PAM: variants seen among roughly 807,000 people sequenced by gnomAD.
PAM encodes peptidylglycine alpha-amidating monooxygenase.
In PAM, 72 loss-of-function variants were observed where a neutral mutation model predicts 122.1. The ratio of observed to expected loss-of-function variants is 0.59; its 90% CI spans 0.49 to 0.72. The LOEUF (loss-of-function observed/expected upper bound fraction) is 0.72. Among genes scored for constraint, PAM ranks in the 30% least tolerant of loss-of-function variants. PAM has a pLI of 0.00. For missense variants in PAM, 1,106 were observed against 1,183.7 expected, an observed-to-expected ratio of 0.93 and a Z score of 0.96; for synonymous variants, 389 against 404.4, an observed-to-expected ratio of 0.96 and a Z score of 0.46.
At chr5:103,024,387 TTA>T (rs1784395372) in intron 23 of PAM, among the ~76,000 whole-genome samples, 1 of 152,136 alleles carries the variant, frequency 6.6e-6, no homozygotes, top group Admixed American at 6.5e-5. Context: ...CAGAATAGTT[TTA>T]GTTATTATAA....
chr5:102,790,264 T>A (rs1761709916), intron 1 of PAM, among the ~76,000 whole-genome samples: 2 of 152,088 alleles, frequency 1.3e-5, no homozygotes, highest in African/African-American at 4.8e-5. Flanking sequence ...GAAACGAATG[T>A]GTCCTGGCTA....
chr5:102,817,090 T>C (rs546346368), intron 1 of PAM, among the ~76,000 whole-genome samples: 1 of 152,246 alleles, frequency 6.6e-6, no homozygotes, highest in South Asian at 2.1e-4. Context: ...ACTCATGAGA[T>C]CATATTGTGT....
intron 15 of PAM, among the ~76,000 whole-genome samples, chr5:102,988,722 A>AAG (rs1437819274): frequency 2.0e-5 from 3 of 151,134 alleles, no homozygotes; most frequent in African/African-American, 7.4e-5. Context: ...AAAGAAAAGA[A>AAG]AAAAGGGAAG....
At chr5:102,842,809 T>G (rs2150591747) in intron 1 of PAM, among the ~76,000 whole-genome samples, 1 of 152,320 alleles carries the variant, frequency 6.6e-6, no homozygotes, top group Non-Finnish European at 1.5e-5. Flanking sequence ...AGCAAAGAAT[T>G]AATGCACAGT....
intron 1 of PAM, among the ~76,000 whole-genome samples, chr5:102,864,107 G>A (rs547585998): frequency 6.7e-6 from 1 of 149,874 alleles, no homozygotes; most frequent in Admixed American, 6.6e-5. Context: ...CCAACTGGAA[G>A]AGGGACTGTC....
At chr5:102,859,373 T>C (rs1783496247) in intron 1 of PAM, among the ~76,000 whole-genome samples, 1 of 150,964 alleles carries the variant, frequency 6.6e-6, no homozygotes, top group Non-Finnish European at 1.5e-5. Flanking sequence ...TGTGTGTGTC[T>C]TCACTTTTAA....
At chr5:102,977,259 C>A (rs1767980687) in intron 15 of PAM, among the ~76,000 whole-genome samples, 1 of 152,106 alleles carries the variant, frequency 6.6e-6, no homozygotes. Context: ...TTGTTTTCCA[C>A]CCTGGCATCT....
At chr5:102,756,015 A>G (rs969844583) in intron 1 of PAM, among the ~76,000 whole-genome samples, 5 of 152,158 alleles carry the variant, frequency 3.3e-5, no homozygotes, top group African/African-American at 1.2e-4. Context: ...AGTTAAGTCT[A>G]GGTTCAGTCA....
chr5:102,807,195 C>A (rs1235556714), intron 1 of PAM, among the ~76,000 whole-genome samples: 2 of 152,078 alleles, frequency 1.3e-5, no homozygotes, highest in Non-Finnish European at 2.9e-5. Context: ...GAGAAGAAAA[C>A]AATAGCTTTC....
Position 102,990,255 on chromosome 5 carries a change from GT to G in PAM, c.1484-16del. Reference sequence around the variant, plus strand: ...GACCTTTCCCTTTTACACTAAATGTGTGGATATATCTTTTAGATTTCCACAT... The same window carrying G: ...GACCTTTCCCTTTTACACTAAATGTGGGATATATCTTTTAGATTTCCACAT... On this transcript the variant is annotated splice_polypyrimidine_tract_variant and intron_variant, in intron 15 of 25. Transcript: ENST00000438793. The G allele has an allele frequency of 4.0e-6, 6 of 1,518,196 alleles. No homozygotes were observed. Among genetic ancestry groups the G allele is most frequent in the Non-Finnish European group, 5.3e-6 (6 of 1,124,186 alleles). 94.0% of individuals were successfully genotyped at this position (1,518,196 alleles called of 1,614,324 possible).
intron 15 of PAM, among the ~76,000 whole-genome samples, chr5:102,981,554 T>C (rs1465704299): frequency 2.0e-5 from 3 of 152,222 alleles, no homozygotes; most frequent in African/African-American, 7.2e-5. Context: ...TAGACTTTAA[T>C]GCATTTATGA....
chr5:102,797,973 A>C (rs1175243132), intron 1 of PAM, among the ~76,000 whole-genome samples: 2 of 152,140 alleles, frequency 1.3e-5, no homozygotes, highest in Non-Finnish European at 2.9e-5. Context: ...AATTATACAT[A>C]CTAAAGAATA....
At chr5:102,855,823 A>G (rs1026586643) in intron 1 of PAM, among the ~76,000 whole-genome samples, 2 of 152,124 alleles carry the variant, frequency 1.3e-5, no homozygotes, top group African/African-American at 4.8e-5. Flanking sequence ...GAAGCCCGGT[A>G]CACTAAATAT....
At chr5:102,760,319 A>G (rs1335056027) in intron 1 of PAM, among the ~76,000 whole-genome samples, 1 of 152,154 alleles carries the variant, frequency 6.6e-6, no homozygotes, top group Non-Finnish European at 1.5e-5. Flanking sequence ...TACTACTGCT[A>G]CTGATATTTT....
chr5:102,955,401 T>C (rs1202144532), intron 12 of PAM, among the ~76,000 whole-genome samples: 1 of 152,080 alleles, frequency 6.6e-6, no homozygotes, highest in African/African-American at 2.4e-5. Flanking sequence ...AAATTTGATC[T>C]GACTCATTAT....
In PAM at chr5:102,867,381, T is replaced by A; in HGVS notation, c.198T>A (p.Val66=). 6.2e-7 allele frequency: 1 copy of A among 1,609,870 alleles called. No homozygotes were observed. The highest frequency in any genetic ancestry group is 1.7e-4 in the Middle Eastern group (1 of 6,044). ...DFALDIRMPG[V]TPKQSDTYFC... ...CATTGGATATTCGCATGCCTGGGGT[T>A]ACACCTAAACAGGTGAGAGGAATTT... The change falls in exon 3 of 26, where the codon GTT becomes GTA. Residue 66 remains valine, a synonymous_variant. Coordinates refer to ENST00000438793, the MANE Select transcript of PAM (RefSeq NM_001177306.2).
intron 1 of PAM, among the ~76,000 whole-genome samples, chr5:102,777,626 G>A (rs1365534359): frequency 1.3e-5 from 2 of 152,276 alleles, no homozygotes; most frequent in African/African-American, 4.8e-5. Flanking sequence ...GAAGGAATCT[G>A]TAGGTAAAAT....
At chr5:102,910,194 A>T (rs1462839527) in intron 4 of PAM, among the ~76,000 whole-genome samples, 1 of 151,824 alleles carries the variant, frequency 6.6e-6, no homozygotes, top group African/African-American at 2.4e-5. Flanking sequence ...TTCTTAGAGA[A>T]TTTTGTGGCC....
intron 1 of PAM, among the ~76,000 whole-genome samples, chr5:102,790,680 C>T (rs1761821878): frequency 6.6e-6 from 1 of 152,066 alleles, no homozygotes; most frequent in African/African-American, 2.4e-5. Context: ...TCTTACAGAA[C>T]ACTATTTTCA....
Sources: allele counts gnomAD v4.1 joint callset (sites outside exome capture counted in the v4.1 genomes callset), GRCh38; gene constraint gnomAD v4.1.1; transcripts MANE v1.5; gene names NCBI Gene and HGNC (gene_info 2026-07-23, HGNC 2026-07-21).